The following ADGRV1 variants were observed in gnomAD, a reference collection of about 807,000 sequenced individuals.
ADGRV1 encodes adhesion G protein-coupled receptor V1, also known as G-protein coupled receptor 98.
In ADGRV1, 359 loss-of-function variants were observed where a neutral mutation model predicts 596.2. The observed-to-expected ratio is 0.60, with a 90% CI of 0.55 to 0.66. The LOEUF is 0.66. Among genes scored for constraint, ADGRV1 ranks in the 30% least tolerant of loss-of-function variants. The pLI is 0.00. For missense variants in ADGRV1, 7,274 were observed against 7,575.6 expected, an observed-to-expected ratio of 0.96 and a Z score of 1.48; for synonymous variants, 2,681 against 2,679.2, an observed-to-expected ratio of 1.00 and a Z score of -0.02.
At chr5:90,620,205 A>C (rs112728960) in intron 4 of ADGRV1, among the ~76,000 whole-genome samples, 32,024 of 151,666 alleles carry the variant, frequency 0.21, 3,751 homozygotes, top group East Asian at 0.4. Context: ...GAACTAGTTT[A>C]CAGTCCCACC....
chr5:90,901,954 G>T (rs2150642777), intron 83 of ADGRV1, among the ~76,000 whole-genome samples: 1 of 152,100 alleles, frequency 6.6e-6, no homozygotes, highest in East Asian at 1.9e-4. Flanking sequence ...GATAGTGGAA[G>T]CAGAGAGGAC....
intron 82 of ADGRV1, among the ~76,000 whole-genome samples, chr5:90,862,581 T>C (rs1178141084): frequency 6.6e-6 from 1 of 152,048 alleles, no homozygotes; most frequent in Non-Finnish European, 1.5e-5. Context: ...GAAGATACAC[T>C]CTGTACTTGT....
intron 21 of ADGRV1, among the ~76,000 whole-genome samples, chr5:90,671,997 C>T (rs541188098): frequency 1.3e-5 from 2 of 152,282 alleles, no homozygotes; most frequent in African/African-American, 2.4e-5. Flanking sequence ...AGGCATCTCT[C>T]AAGGATCTCC....
intron 85 of ADGRV1, among the ~76,000 whole-genome samples, chr5:91,006,143 C>T (rs1300282154): frequency 6.6e-6 from 1 of 152,074 alleles, no homozygotes; most frequent in African/African-American, 2.4e-5. Context: ...ATTTAAATAT[C>T]TAGGATTTTT....
chr5:91,024,853 T>C (rs1783898128), intron 85 of ADGRV1, among the ~76,000 whole-genome samples: 2 of 152,200 alleles, frequency 1.3e-5, no homozygotes, highest in African/African-American at 4.8e-5. Flanking sequence ...GGTAACTTGA[T>C]GCAATAGCCT....
At chr5:90,800,754 G>A (rs1164215086) in intron 70 of ADGRV1, among the ~76,000 whole-genome samples, 1 of 152,194 alleles carries the variant, frequency 6.6e-6, no homozygotes, top group Non-Finnish European at 1.5e-5. Flanking sequence ...AAAAATGGAT[G>A]AGTTCATGTC....
chr5:90,767,433 G>A (rs1000175371), intron 59 of ADGRV1, among the ~76,000 whole-genome samples: 2 of 151,950 alleles, frequency 1.3e-5, no homozygotes, highest in Admixed American at 6.6e-5. Context: ...AAGAATTGAC[G>A]AGAAGGAAAT....
At chr5:90,719,993 A>G in intron 43 of ADGRV1, 55 bp from the exon 44 acceptor site, 1 of 1,371,718 alleles carries the variant, frequency 7.3e-7, no homozygotes, top group Middle Eastern at 1.8e-4. Flanking sequence ...TTCGCTATAT[A>G]TGTGTTACAA....
intron 87 of ADGRV1, among the ~76,000 whole-genome samples, chr5:91,132,689 G>A (rs1023983846): frequency 6.6e-6 from 1 of 152,224 alleles, no homozygotes; most frequent in Non-Finnish European, 1.5e-5. Context: ...TGATGAGGTG[G>A]CACCAGGCCC....
At chr5:90,624,928 G>A (rs949045277) in intron 5 of ADGRV1, among the ~76,000 whole-genome samples, 7 of 151,996 alleles carry the variant, frequency 4.6e-5, no homozygotes, top group East Asian at 1.9e-4. Flanking sequence ...TAGAAACCAC[G>A]TAGTTTAATG....
At chr5:90,915,273 T>C (rs1449626759) in intron 83 of ADGRV1, among the ~76,000 whole-genome samples, 1 of 152,228 alleles carries the variant, frequency 6.6e-6, no homozygotes, top group Non-Finnish European at 1.5e-5. Flanking sequence ...TTTATTATTT[T>C]AAAACAGCAA....
chr5:90,841,039 A>C (rs1284240637), intron 78 of ADGRV1, 54 bp downstream of exon 78: 1 of 1,332,610 alleles, frequency 7.5e-7, no homozygotes, highest in Non-Finnish European at 9.9e-7. Context: ...TAAATTTAAA[A>C]ACCCAAGTAA....
chr5:90,750,961 G>C (rs1755184758), intron 53 of ADGRV1, among the ~76,000 whole-genome samples: 1 of 152,122 alleles, frequency 6.6e-6, no homozygotes, highest in African/African-American at 2.4e-5. Context: ...CCACATTGTG[G>C]GTGCATTACA....
intron 83 of ADGRV1, among the ~76,000 whole-genome samples, chr5:90,934,830 G>A (rs1296524623): frequency 6.6e-6 from 1 of 152,124 alleles, no homozygotes; most frequent in Non-Finnish European, 1.5e-5. Flanking sequence ...GCTTTTAGGT[G>A]GCCTCTAGCT....
chr5:91,108,720 T>C (rs948338943), intron 87 of ADGRV1, among the ~76,000 whole-genome samples: 21 of 152,154 alleles, frequency 1.4e-4, no homozygotes, highest in Admixed American at 1.2e-3. Flanking sequence ...TCCCCACAAG[T>C]AGCTGAACTA....
chr5:90,790,482 C>CT (rs1242864461), intron 69 of ADGRV1, among the ~76,000 whole-genome samples: 1 of 152,072 alleles, frequency 6.6e-6, no homozygotes, highest in Non-Finnish European at 1.5e-5. Context: ...ATAGATAGTC[C>CT]TTTTTTATTA....
chr5:91,050,219 C>A (rs1326714544), intron 85 of ADGRV1, among the ~76,000 whole-genome samples: 1 of 152,160 alleles, frequency 6.6e-6, no homozygotes, highest in Non-Finnish European at 1.5e-5. Context: ...GAAACAACAG[C>A]ATGTTAATAA....
intron 85 of ADGRV1, among the ~76,000 whole-genome samples, chr5:91,038,742 G>A (rs1398532868): frequency 6.6e-6 from 1 of 152,136 alleles, no homozygotes; most frequent in Non-Finnish European, 1.5e-5. Flanking sequence ...TCTCTCCAGA[G>A]CCCTAAGAAC....
chr5:90,985,630 G>C (rs1780428677), intron 85 of ADGRV1, 108 bp downstream of exon 85: 1 of 766,298 alleles, frequency 1.3e-6, no homozygotes, highest in Non-Finnish European at 2.1e-6. Flanking sequence ...TTGCTTTTCT[G>C]CCACAGTGTC....
Sources: gnomAD v4.1 joint callset for allele counts (sites outside exome capture counted in the v4.1 genomes callset) on GRCh38, gnomAD v4.1.1 for gene constraint, MANE v1.5 for transcripts, NCBI Gene and HGNC (gene_info 2026-07-23, HGNC 2026-07-21) for gene names.